The following DCP1A variants were observed in gnomAD, a reference collection of about 807,000 sequenced individuals.
DCP1A encodes the protein decapping mRNA 1A.
DCP1A carries 20 observed loss-of-function variants against 58.0 expected under a neutral mutation model. The observed-to-expected ratio is 0.34, with a 90% CI of 0.24 to 0.50. The LOEUF (loss-of-function observed/expected upper bound fraction) is 0.50, where lower values mean the gene tolerates loss of function less well. Among genes scored for constraint, DCP1A ranks in the 20% least tolerant of loss-of-function variants. The pLI, the probability that DCP1A is intolerant of heterozygous loss-of-function variation, is 0.98. For synonymous variants in DCP1A, 285 were observed against 275.1 expected (o/e 1.04, Z -0.36); for missense variants, 613 against 712.2 (o/e 0.86, Z 1.59).
At chr3:53,344,466 TG>T (rs1241402019) in intron 2 of DCP1A, among the ~76,000 whole-genome samples, 1 of 152,198 alleles carries the variant, frequency 6.6e-6, no homozygotes, top group Non-Finnish European at 1.5e-5. Context: ...TTCTGTGGGT[TG>T]GGAAAGAGGA....
chr3:53,294,261 G>T (rs967922638), intron 6 of DCP1A, among the ~76,000 whole-genome samples: 3 of 152,216 alleles, frequency 2.0e-5, no homozygotes, highest in African/African-American at 7.2e-5. Context: ...AATTGTAGGG[G>T]TGAGATTGAG....
At chr3:53,303,873 C>T (rs1272872422) in intron 6 of DCP1A, among the ~76,000 whole-genome samples, 1 of 152,140 alleles carries the variant, frequency 6.6e-6, no homozygotes, top group Non-Finnish European at 1.5e-5. Flanking sequence ...AGCTCGGACA[C>T]TGCTGGAGGG....
At chr3:53,291,923 C>T (rs1706890946) in intron 7 of DCP1A, 146 bp downstream of exon 7, 4 of 830,794 alleles carry the variant, frequency 4.8e-6, no homozygotes, top group Non-Finnish European at 5.4e-6. Flanking sequence ...GGCTTCTTAC[C>T]TCACCTGTCT....
intron 5 of DCP1A, among the ~76,000 whole-genome samples, chr3:53,306,047 T>G (rs115780598): frequency 1.5e-3 from 226 of 152,204 alleles, no homozygotes; most frequent in African/African-American, 5.1e-3. Flanking sequence ...ATGCAAGATA[T>G]GAGATTTTTT....
In DCP1A at chr3:53,342,287, AG is replaced by A; in HGVS notation, c.177-17del. 6.4e-7 allele frequency: 1 copy of A among 1,557,604 alleles called. No individual in the cohort carries two copies. The highest frequency in any genetic ancestry group is 8.8e-7 in the Non-Finnish European group (1 of 1,142,502). The stretch of plus-strand genomic sequence containing the variant: ...GGAAGCTGACCTTAGATTTAATAGA[AG>A]AAAAAAAAATATGTAGTTACCATTT... On this transcript the variant is annotated splice_polypyrimidine_tract_variant and intron_variant, in intron 2 of 9. Transcript: ENST00000610213.
rs782335911 is a variant in DCP1A, at chr3:53,304,213, C to G, written c.588G>C (p.Glu196Asp). 98 of 1,613,638 alleles carry G rather than the reference C, an allele frequency of 6.1e-5. No individual in the cohort carries two copies. The highest frequency in any genetic ancestry group is 8.1e-5 in the Non-Finnish European group (96 of 1,179,820). The change falls in exon 6 of 10, where the codon GAG (glutamate) becomes GAC (aspartate). Residue 196 changes from glutamate (E) to aspartate (D), a missense_variant. This residue lies in a region of DCP1A where 498 missense variants were observed against 556.7 expected (regional missense o/e 0.89). Transcript: ENST00000610213. ...STQLSNLGST[E>D]TLEEMPSGSQ... Reference sequence around the variant, plus strand: ...ACCCGGAGGGCATTTCTTCTAGAGTCTCGGTGCTTCCCAGATTGGAGAGCT... The same window carrying G: ...ACCCGGAGGGCATTTCTTCTAGAGTGTCGGTGCTTCCCAGATTGGAGAGCT...
At chr3:53,295,954 G>T (rs1235236173) in intron 6 of DCP1A, among the ~76,000 whole-genome samples, 1 of 150,698 alleles carries the variant, frequency 6.6e-6, no homozygotes, top group Non-Finnish European at 1.5e-5. Flanking sequence ...GTGCGGTGGC[G>T]TGACCTCGGC....
intron 3 of DCP1A, among the ~76,000 whole-genome samples, chr3:53,338,668 T>C (rs1553692221): frequency 1.3e-5 from 2 of 152,040 alleles, no homozygotes; most frequent in African/African-American, 2.4e-5. Flanking sequence ...GAGACCATCC[T>C]AGCTAACACG....
intron 2 of DCP1A, among the ~76,000 whole-genome samples, chr3:53,343,863 G>A (rs994509321): frequency 3.3e-5 from 5 of 152,084 alleles, no homozygotes; most frequent in African/African-American, 7.2e-5. Context: ...CGCCCACCTC[G>A]GCCTCCCAAA....
intron 3 of DCP1A, among the ~76,000 whole-genome samples, chr3:53,330,814 C>CAT (rs1177162920): frequency 2.4e-3 from 257 of 108,918 alleles, no homozygotes; most frequent in African/African-American, 7.2e-3. Context: ...AATATATACA[C>CAT]ATATATATAT....
chr3:53,299,007 T>C (rs1322214955), intron 6 of DCP1A, among the ~76,000 whole-genome samples: 1 of 152,234 alleles, frequency 6.6e-6, no homozygotes, highest in Admixed American at 6.5e-5. Context: ...TAGTAGGCAA[T>C]GCCATCTTGG....
At chr3:53,337,150 C>T (rs149693920) in intron 3 of DCP1A, among the ~76,000 whole-genome samples, 4,709 of 152,234 alleles carry the variant, frequency 0.031, 107 homozygotes, top group Middle Eastern at 0.068. Flanking sequence ...GGGATACAGG[C>T]GTGAGCCACC....
rs560005987 is a variant in DCP1A at position 53,325,218 on chromosome 3, G to A, written c.305-5745C>T. Among the ~76,000 whole-genome samples the A allele has an allele frequency of 2.6e-5, 4 of 152,274 alleles. No homozygotes were observed. In the East Asian group the frequency reaches 7.7e-4, roughly 29 times the overall value. Reference sequence around the variant, plus strand: ...CATGGCTCACACAAGATCAAGAAAAGCCAAATTAATTTGGTATCTTCGTAA... The same window carrying A: ...CATGGCTCACACAAGATCAAGAAAAACCAAATTAATTTGGTATCTTCGTAA... On this transcript the variant is annotated intron_variant, in intron 3 of 9. Coordinates refer to ENST00000610213, the MANE Select transcript of DCP1A (RefSeq NM_018403.7).
chr3:53,332,083 C>A (rs149942640), intron 3 of DCP1A, among the ~76,000 whole-genome samples: 1 of 152,302 alleles, frequency 6.6e-6, no homozygotes, highest in East Asian at 1.9e-4. Context: ...TAGTGAATCA[C>A]AGAAGCATGA....
chr3:53,335,960 G>A (rs1356492209), intron 3 of DCP1A, among the ~76,000 whole-genome samples: 5 of 151,576 alleles, frequency 3.3e-5, no homozygotes, highest in Admixed American at 6.6e-5. Flanking sequence ...AGGTCCACCC[G>A]GCTAATTTTT....
chr3:53,323,162 T>C (rs1475208593), intron 3 of DCP1A, among the ~76,000 whole-genome samples: 1 of 152,188 alleles, frequency 6.6e-6, no homozygotes, highest in African/African-American at 2.4e-5. Context: ...ACAGTGCCTC[T>C]TTTCTTCACA....
intron 8 of DCP1A, among the ~76,000 whole-genome samples, chr3:53,289,963 G>A (rs1706793477): frequency 1.3e-5 from 2 of 152,150 alleles, no homozygotes; most frequent in South Asian, 4.1e-4. Context: ...GGCTGAGATA[G>A]ATCACCATGC....
chr3:53,339,710 G>A (rs1553692347), intron 3 of DCP1A, among the ~76,000 whole-genome samples: 1 of 152,066 alleles, frequency 6.6e-6, no homozygotes, highest in Non-Finnish European at 1.5e-5. Flanking sequence ...AATTTCACAG[G>A]ACTTTTGCCT....
chr3:53,319,227 G>A (rs1707893715), intron 4 of DCP1A, among the ~76,000 whole-genome samples, 180 bp downstream of exon 4: 2 of 152,132 alleles, frequency 1.3e-5, no homozygotes, highest in African/African-American at 4.8e-5. Context: ...CACACTGGGA[G>A]GAGTTAAGAT....
Sources: allele counts gnomAD v4.1 joint callset (sites outside exome capture counted in the v4.1 genomes callset), GRCh38; gene constraint gnomAD v4.1.1; regional missense constraint gnomAD v4.1.1; transcripts MANE v1.5; gene names NCBI Gene and HGNC (gene_info 2026-07-23, HGNC 2026-07-21).